The following CNTN4 variants were observed in gnomAD, a reference collection of about 807,000 sequenced individuals.
The protein encoded by CNTN4 is contactin 4.
In CNTN4, 77 loss-of-function variants were observed where a neutral mutation model predicts 122.5. The ratio of observed to expected loss-of-function variants is 0.63; its 90% confidence interval spans 0.52 to 0.76. The LOEUF (loss-of-function observed/expected upper bound fraction) is 0.76. Among genes scored for constraint, CNTN4 ranks in the 30% least tolerant of loss-of-function variants. CNTN4 has a pLI of 0.00. For missense variants in CNTN4, 1,256 were observed against 1,259.1 expected (o/e 1.00, Z 0.04); for synonymous variants, 512 against 447.0 (o/e 1.15, Z -1.83).
At chr3:2,367,636 A>T (rs762153246) in intron 3 of CNTN4, among the ~76,000 whole-genome samples, 2 of 151,996 alleles carry the variant, frequency 1.3e-5, no homozygotes, top group Non-Finnish European at 2.9e-5. Flanking sequence ...GGTACATACC[A>T]CCACACCCGG....
intron 4 of CNTN4, among the ~76,000 whole-genome samples, chr3:2,661,620 CTGACCAACA>C (rs1487768053): frequency 2.0e-5 from 3 of 151,800 alleles, no homozygotes; most frequent in Non-Finnish European, 4.4e-5. Flanking sequence ...CAAGACCAGC[CTGACCAACA>C]TGGAGAAACC....
At chr3:3,019,285 C>T (rs1322373203) in intron 14 of CNTN4, among the ~76,000 whole-genome samples, 1 of 151,968 alleles carries the variant, frequency 6.6e-6, no homozygotes, top group Non-Finnish European at 1.5e-5. Context: ...ACAAAGTACT[C>T]ATTATTTATT....
intron 2 of CNTN4, among the ~76,000 whole-genome samples, chr3:2,302,749 C>CACTTT (rs370315041): frequency 6.6e-6 from 1 of 152,286 alleles, no homozygotes; most frequent in African/African-American, 2.4e-5. Context: ...TGATATTGAT[C>CACTTT]ACTTTGTCCC....
At chr3:2,642,831 G>A (rs907205539) in intron 4 of CNTN4, among the ~76,000 whole-genome samples, 2 of 152,060 alleles carry the variant, frequency 1.3e-5, no homozygotes, top group Admixed American at 6.6e-5. Context: ...AACTTTGTCT[G>A]CCCCTCAAGA....
chr3:3,051,182 A>C (rs1035215153), intron 23 of CNTN4, among the ~76,000 whole-genome samples: 1 of 152,204 alleles, frequency 6.6e-6, no homozygotes, highest in African/African-American at 2.4e-5. Context: ...GATTTAGAAC[A>C]CACAGTGTTC....
intron 2 of CNTN4, among the ~76,000 whole-genome samples, chr3:2,284,972 G>C (rs762016312): frequency 6.6e-6 from 1 of 151,688 alleles, no homozygotes; most frequent in Non-Finnish European, 1.5e-5. Context: ...TGGGTAATAG[G>C]ATAGTTTTTA....
chr3:2,331,090 G>C (rs2043699762), intron 2 of CNTN4, among the ~76,000 whole-genome samples: 1 of 152,084 alleles, frequency 6.6e-6, no homozygotes, highest in Non-Finnish European at 1.5e-5. Flanking sequence ...TTCTGGTTCT[G>C]CAGATTGCCA....
At chr3:2,336,692 T>G (rs1502578) in intron 2 of CNTN4, among the ~76,000 whole-genome samples, 2 of 151,886 alleles carry the variant, frequency 1.3e-5, no homozygotes, top group South Asian at 4.1e-4. Context: ...AAATTATAGC[T>G]AAAACCTAAC....
At chr3:2,443,900 T>A (rs1292354769) in intron 3 of CNTN4, among the ~76,000 whole-genome samples, 1 of 152,142 alleles carries the variant, frequency 6.6e-6, no homozygotes, top group Admixed American at 6.6e-5. Context: ...GTTTATCTTG[T>A]TTTTGCTAGG....
At chr3:2,680,979 A>G (rs2085134092) in intron 4 of CNTN4, among the ~76,000 whole-genome samples, 1 of 152,228 alleles carries the variant, frequency 6.6e-6, no homozygotes, top group South Asian at 2.1e-4. Context: ...TGGATATGTT[A>G]TGAAGAAAAT....
At chr3:2,263,121 C>T (rs1267458394) in intron 2 of CNTN4, among the ~76,000 whole-genome samples, 2 of 152,002 alleles carry the variant, frequency 1.3e-5, no homozygotes, top group African/African-American at 4.8e-5. Context: ...GGCCATGTGT[C>T]CAGCTAAAAT....
chr3:2,853,395 C>T (rs954237019), intron 7 of CNTN4, among the ~76,000 whole-genome samples: 3 of 152,048 alleles, frequency 2.0e-5, no homozygotes, highest in South Asian at 2.1e-4. Flanking sequence ...CAGGTGCCCA[C>T]GACCACGCCC....
At chr3:2,577,381 A>G (rs2728058) in intron 4 of CNTN4, among the ~76,000 whole-genome samples, 83,316 of 152,036 alleles carry the variant, frequency 0.55, 23,668 homozygotes, top group East Asian at 0.72. Context: ...TTTGCATAAT[A>G]CATGCTCACA....
At chr3:2,849,470 A>C (rs2150623301) in intron 7 of CNTN4, among the ~76,000 whole-genome samples, 1 of 152,374 alleles carries the variant, frequency 6.6e-6, no homozygotes, top group Middle Eastern at 3.4e-3. Context: ...AACCTTAGGC[A>C]TTAAGGAAAA....
At chr3:2,667,514 A>T (rs189700460) in intron 4 of CNTN4, among the ~76,000 whole-genome samples, 2 of 152,080 alleles carry the variant, frequency 1.3e-5, no homozygotes, top group East Asian at 3.9e-4. Flanking sequence ...TGAGTAGATT[A>T]CAAAAATTTT....
At chr3:2,906,161 C>G (rs935270567) in intron 12 of CNTN4, among the ~76,000 whole-genome samples, 12 of 151,746 alleles carry the variant, frequency 7.9e-5, no homozygotes, top group African/African-American at 2.7e-4. Flanking sequence ...GAGTAGAATG[C>G]TGGTTGTCAG....
intron 2 of CNTN4, among the ~76,000 whole-genome samples, chr3:2,244,812 A>G (rs1335144977): frequency 6.6e-6 from 1 of 151,572 alleles, no homozygotes; most frequent in Non-Finnish European, 1.5e-5. Flanking sequence ...AAGCATGGAA[A>G]CATGTGGCGA....
chr3:2,787,068 A>G, intron 6 of CNTN4, among the ~76,000 whole-genome samples: 1 of 152,194 alleles, frequency 6.6e-6, no homozygotes, highest in East Asian at 1.9e-4. Flanking sequence ...AGGAATAACA[A>G]AAACTTGAAG....
chr3:2,960,390 T>A (rs2094840593), intron 13 of CNTN4, among the ~76,000 whole-genome samples: 1 of 113,786 alleles, frequency 8.8e-6, no homozygotes, highest in South Asian at 2.8e-4. Flanking sequence ...GGTTTTGAGT[T>A]TTTTTGTTTT....
Sources: gnomAD v4.1 joint callset for allele counts (sites outside exome capture counted in the v4.1 genomes callset) on GRCh38, gnomAD v4.1.1 for gene constraint, MANE v1.5 for transcripts, NCBI Gene and HGNC (gene_info 2026-07-23, HGNC 2026-07-21) for gene names.